BEST3: variants seen among roughly 807,000 people sequenced by gnomAD.
The protein encoded by BEST3 is bestrophin-3.
Under a neutral mutation model 47.1 loss-of-function variants are expected in BEST3, and 50 were observed. That is an observed-to-expected ratio of 1.06 (90% CI 0.85 to 1.34). BEST3 has a LOEUF of 1.34. Ranked by LOEUF, BEST3 falls within the 40% of genes most tolerant of loss-of-function variation. The pLI, the probability that BEST3 is intolerant of heterozygous loss-of-function variation, is 0.00. For synonymous variants in BEST3, 282 were observed against 298.8 expected (o/e 0.94, Z 0.58); for missense variants, 765 against 817.0 (o/e 0.94, Z 0.78).
At chr12:69,673,157 C>T (rs1299380159) in intron 7 of BEST3, among the ~76,000 whole-genome samples, 192 bp from the exon 8 acceptor site, 2 of 152,132 alleles carry the variant, frequency 1.3e-5, no homozygotes, top group East Asian at 3.9e-4. Flanking sequence ...GAATGATGCA[C>T]CTTCGTAGGT....
At chr12:69,649,082 C>T (rs1336375185), downstream of BEST3, among the ~76,000 whole-genome samples, 1 of 152,182 alleles carries the variant, frequency 6.6e-6, no homozygotes, top group Non-Finnish European at 1.5e-5. Context: ...GCAACCTCTG[C>T]CTCCCGGGTT....
At position 69,693,753 on chromosome 12, in the gene BEST3, G is replaced by A. The variant is rs771287534; in HGVS notation, c.402C>T (p.Leu134=). Residue 134 remains leucine (L), a synonymous_variant, in exon 4 of 10, where the codon CTC becomes CTT. Coordinates refer to ENST00000330891, the MANE Select transcript of BEST3 (RefSeq NM_032735.3). ...LRRTLMRYVN[L]TSLLIFRSVS... is the part of the protein sequence containing the mutation. ...CCGAGCGAAAGATGAGCAGGGAGGTGAGATTGACGTAGCGCATCAGCGTCC... is the reference window on the plus strand; with the variant it reads ...CCGAGCGAAAGATGAGCAGGGAGGTAAGATTGACGTAGCGCATCAGCGTCC... The A allele has an allele frequency of 6.2e-7, 1 of 1,614,076 alleles. No homozygotes were observed. The highest frequency in any genetic ancestry group is 1.7e-5 in the Admixed American group (1 of 60,008).
intron 9 of BEST3, among the ~76,000 whole-genome samples, chr12:69,665,646 A>T (rs1269612219): frequency 1.3e-5 from 2 of 151,888 alleles, no homozygotes; most frequent in African/African-American, 4.8e-5. Flanking sequence ...AGTAAAAAAT[A>T]TGCCATTAGC....
chr12:69,658,207 T>G lies in BEST3; in HGVS notation c.1101-2394A>C, dbSNP rs1053091012. Among the ~76,000 whole-genome samples, 5 of 152,340 alleles carry G rather than the reference T, an allele frequency of 3.3e-5. 1 individual carries two copies. The South Asian group carries it at 1.0e-3, about 32-fold the overall frequency. ...TTAGGATTTGTTTTTTTAAACTACC[T>G]CTAAAGGTTGCAATCTTGTAAGAAA... On this transcript the variant is annotated intron_variant, in intron 9 of 9. Transcript: ENST00000330891.
chr12:69,653,451 G>A (rs1433515601), downstream of BEST3, among the ~76,000 whole-genome samples: 1 of 152,188 alleles, frequency 6.6e-6, no homozygotes, highest in African/African-American at 2.4e-5. Context: ...ATAAACCTGG[G>A]TTTGAAGATG....
At chr12:69,681,585 T>C (rs1885255830) in intron 4 of BEST3, among the ~76,000 whole-genome samples, 1 of 152,204 alleles carries the variant, frequency 6.6e-6, no homozygotes, top group African/African-American at 2.4e-5. Flanking sequence ...TTATAGAGCT[T>C]TGGTGTTCTC....
At position 69,655,285 on chromosome 12, in the gene BEST3, C is replaced by CT; in HGVS notation, c.1628dup (p.Met546HisfsTer27). 1 of 1,614,172 alleles carries CT rather than the reference C, an allele frequency of 6.2e-7. No homozygotes were observed. Among genetic ancestry groups the CT allele is most frequent in the Non-Finnish European group, 8.5e-7 (1 of 1,180,038 alleles). On this transcript the variant is annotated frameshift_variant, in exon 10 of 10. Transcript: ENST00000330891. LOFTEE classifies it low-confidence loss of function (END_TRUNC). ...GAGACAGGATGGATCCCATGGGGCC[C>CT]TGCTGCTGCTCAGTCTTGCTTGGCT...
chr12:69,676,293 C>T (rs552131254), intron 7 of BEST3, among the ~76,000 whole-genome samples: 17 of 152,214 alleles, frequency 1.1e-4, no homozygotes, highest in Admixed American at 1.0e-3. Flanking sequence ...TGGCTCACGC[C>T]TGTAATCCTC....
chr12:69,684,452 G>T, intron 4 of BEST3: 1 of 485,114 alleles, frequency 2.1e-6, no homozygotes. Context: ...TAGAGATTCT[G>T]CCTGCTGTAC....
Position 69,697,816 on chromosome 12 carries a change from A to G in BEST3, c.-15-3T>C, listed in dbSNP as rs1384137885. The G allele has an allele frequency of 1.9e-6, 3 of 1,595,308 alleles. No homozygotes were observed. The highest frequency in any genetic ancestry group is 2.6e-6 in the Non-Finnish European group (3 of 1,173,180). ...ACAGTCATCTTGGATAGTTTTTTCT[A>G]GAAGAGCAAGAAGACAAAACACAAG... On this transcript the variant is annotated splice_region_variant and splice_polypyrimidine_tract_variant and intron_variant, in intron 1 of 9. Coordinates refer to ENST00000330891, the MANE Select transcript of BEST3 (RefSeq NM_032735.3).
chr12:69,678,117 T>C (rs80332434), intron 5 of BEST3, among the ~76,000 whole-genome samples: 12,184 of 152,220 alleles, frequency 0.08, 719 homozygotes, highest in East Asian at 0.24. Context: ...AAAGTTATTA[T>C]GGAAGACTAG....
At chr12:69,695,828 C>G (rs1886113526) in intron 2 of BEST3, among the ~76,000 whole-genome samples, 1 of 151,942 alleles carries the variant, frequency 6.6e-6, no homozygotes, top group Non-Finnish European at 1.5e-5. Context: ...ATATATATAA[C>G]CACTTAACAA....
chr12:69,689,317 G>A (rs1885816428), intron 4 of BEST3: 8 of 957,300 alleles, frequency 8.4e-6, no homozygotes, highest in South Asian at 9.7e-5. Context: ...CAGCGCTGCC[G>A]GTGACAGCGG....
chr12:69,684,427 A>C, intron 4 of BEST3: 1 of 467,634 alleles, frequency 2.1e-6, no homozygotes, highest in Non-Finnish European at 4.0e-6. Context: ...TTGATAGACA[A>C]AATTCCAGTC....
chr12:69,645,960 G>A (rs566911314), intron 9 of BEST3, among the ~76,000 whole-genome samples: 1 of 152,186 alleles, frequency 6.6e-6, no homozygotes, highest in East Asian at 1.9e-4. Context: ...TATTTGAGAT[G>A]GAGTCTCGCT....
intron 9 of BEST3, among the ~76,000 whole-genome samples, chr12:69,656,504 C>T (rs778652589): frequency 5.3e-5 from 8 of 151,970 alleles, no homozygotes; most frequent in Non-Finnish European, 1.0e-4. Flanking sequence ...GGTAAATTCA[C>T]GAGCGTGCGA....
At position 69,655,302 on chromosome 12, in the gene BEST3, TGCTTGGCTGAACCCCTGTAAACTCA is replaced by T. The variant is rs1234127682; in HGVS notation, c.1587_1611del (p.Glu530ArgfsTer50). On this transcript the variant is annotated frameshift_variant, in exon 10 of 10. Transcript: ENST00000330891. LOFTEE classifies it low-confidence loss of function (END_TRUNC). ...ATGGGGCCCTGCTGCTGCTCAGTCTTGCTTGGCTGAACCCCTGTAAACTCAGAGCTCAAGATGGAGGTAGCGGAAT... is the reference window on the plus strand; with the variant it reads ...ATGGGGCCCTGCTGCTGCTCAGTCTTGAGCTCAAGATGGAGGTAGCGGAAT... 1 of 1,614,172 alleles carries T rather than the reference TGCTTGGCTGAACCCCTGTAAACTCA, an allele frequency of 6.2e-7. No individual in the cohort carries two copies.
chr12:69,661,383 G>A (rs184697606), intron 9 of BEST3: 11 of 152,302 alleles, frequency 7.2e-5, no homozygotes, highest in Admixed American at 5.9e-4. Flanking sequence ...ATGATATTTA[G>A]TATGATGAAT....
intron 4 of BEST3, among the ~76,000 whole-genome samples, chr12:69,684,797 G>A (rs1885466862): frequency 6.6e-6 from 1 of 152,168 alleles, no homozygotes; most frequent in Non-Finnish European, 1.5e-5. Context: ...CCTGTCAATT[G>A]GGAAAATCAA....
Sources: gnomAD v4.1 joint callset for allele counts (sites outside exome capture counted in the v4.1 genomes callset) on GRCh38, gnomAD v4.1.1 for gene constraint, MANE v1.5 for transcripts, NCBI Gene and HGNC (gene_info 2026-07-23, HGNC 2026-07-21) for gene names.